Variants in SLC8A1 observed in about 807,000 individuals in gnomAD.
The protein encoded by SLC8A1 is sodium/calcium exchanger 1.
A neutral mutation model predicts 68.3 loss-of-function variants in SLC8A1; 18 were observed. The observed-to-expected ratio is 0.26, with a 90% CI of 0.18 to 0.39. The LOEUF (loss-of-function observed/expected upper bound fraction) is 0.39, where lower values mean the gene tolerates loss of function less well. Ranked by LOEUF, SLC8A1 falls within the 10% of genes least tolerant of loss-of-function variation. SLC8A1 has a pLI of 1.00. For missense variants in SLC8A1, 985 were observed against 1,156.7 expected, an observed-to-expected ratio of 0.85 and a Z score of 2.15; for synonymous variants, 475 against 415.5, an observed-to-expected ratio of 1.14 and a Z score of -1.74.
intron 2 of SLC8A1, among the ~76,000 whole-genome samples, chr2:40,339,435 G>A (rs1389684256): frequency 6.6e-6 from 1 of 152,200 alleles, no homozygotes; most frequent in South Asian, 2.1e-4. Flanking sequence ...GCTCTCTAAA[G>A]TGAGGCAGTG....
At chr2:40,265,127 G>T (rs966407057) in intron 2 of SLC8A1, among the ~76,000 whole-genome samples, 1 of 152,122 alleles carries the variant, frequency 6.6e-6, no homozygotes, top group Non-Finnish European at 1.5e-5. Flanking sequence ...TTCAGAAGGC[G>T]GATTGTCCAG....
chr2:40,240,227 C>T (rs1036550130), intron 2 of SLC8A1, among the ~76,000 whole-genome samples: 1 of 152,188 alleles, frequency 6.6e-6, no homozygotes, highest in African/African-American at 2.4e-5. Flanking sequence ...TATTATGTAA[C>T]TGTTGTTAAG....
chr2:40,215,510 G>A lies in SLC8A1; in HGVS notation c.1809-37655C>T, dbSNP rs1268845324. ...AAATTAGCCGGGCACGGTGGCGGGC[G>A]CCTGTAGTCCCAGCTACTCGGGAGG... is the stretch of plus-strand genomic sequence containing the variant. On this transcript the variant is annotated intron_variant, in intron 2 of 7. Coordinates refer to ENST00000406785, the Ensembl canonical transcript of SLC8A1. Among the ~76,000 whole-genome samples the A allele has an allele frequency of 4.6e-5, 7 of 151,882 alleles. No homozygotes were observed. In the East Asian group the frequency reaches 1.2e-3, roughly 25 times the overall value.
At chr2:40,130,294 G>A (rs1472162029) in intron 7 of SLC8A1, among the ~76,000 whole-genome samples, 1 of 152,178 alleles carries the variant, frequency 6.6e-6, no homozygotes, top group Non-Finnish European at 1.5e-5. Flanking sequence ...AGAAAATCTT[G>A]TAAATTCTGG....
At chr2:40,227,433 G>A (rs1187563416) in intron 2 of SLC8A1, among the ~76,000 whole-genome samples, 1 of 151,974 alleles carries the variant, frequency 6.6e-6, no homozygotes, top group African/African-American at 2.4e-5. Flanking sequence ...CGGGATAGCT[G>A]GAGGCCATTA....
chr2:40,259,960 C>T (rs2064467862), intron 2 of SLC8A1, among the ~76,000 whole-genome samples: 1 of 152,124 alleles, frequency 6.6e-6, no homozygotes, highest in Admixed American at 6.5e-5. Flanking sequence ...ATCTTTCTGA[C>T]CAAAATTGTA....
intron 2 of SLC8A1, among the ~76,000 whole-genome samples, chr2:40,188,817 T>C (rs2051198469): frequency 6.6e-6 from 1 of 152,218 alleles, no homozygotes; most frequent in Non-Finnish European, 1.5e-5. Context: ...GGCCACAAAA[T>C]GCACAGTGGC....
At chr2:40,220,994 G>GA (rs1435625456) in intron 2 of SLC8A1, among the ~76,000 whole-genome samples, 5 of 151,922 alleles carry the variant, frequency 3.3e-5, no homozygotes, top group African/African-American at 1.2e-4. Context: ...CCAAACAACA[G>GA]AAAAAGAGGG....
intron 1 of SLC8A1, among the ~76,000 whole-genome samples, chr2:40,507,172 A>G (rs1559779362): frequency 6.6e-6 from 1 of 151,976 alleles, no homozygotes; most frequent in African/African-American, 2.4e-5. Context: ...AGGTCCCTCA[A>G]TATAATACTA....
intron 2 of SLC8A1, among the ~76,000 whole-genome samples, chr2:40,391,216 ATGTGTG>A (rs1185123701): frequency 6.6e-6 from 1 of 151,584 alleles, no homozygotes; most frequent in Non-Finnish European, 1.5e-5. Flanking sequence ...GTCTGTGTGT[ATGTGTG>A]TGTGTACATA....
At chr2:40,324,926 C>A (rs981025751) in intron 2 of SLC8A1, among the ~76,000 whole-genome samples, 3 of 152,152 alleles carry the variant, frequency 2.0e-5, no homozygotes, top group African/African-American at 7.2e-5. Context: ...CAAATGACTG[C>A]AAAGATGATG....
At chr2:40,174,663 G>C in intron 4 of SLC8A1, 43 bp downstream of exon 6, 1 of 1,449,816 alleles carries the variant, frequency 6.9e-7, no homozygotes, top group Non-Finnish European at 9.6e-7. Flanking sequence ...ATGGTTAAGG[G>C]TATTTGGGGA....
intron 2 of SLC8A1, among the ~76,000 whole-genome samples, chr2:40,315,224 G>A (rs773933812): frequency 6.6e-6 from 1 of 151,784 alleles, no homozygotes; most frequent in African/African-American, 2.4e-5. Flanking sequence ...TTAGTTGATT[G>A]CCTTTTCAAT....
At chr2:40,389,452 T>G (rs527346124) in intron 2 of SLC8A1, among the ~76,000 whole-genome samples, 68 of 152,214 alleles carry the variant, frequency 4.5e-4, no homozygotes, top group Non-Finnish European at 8.5e-4. Context: ...AAAACAGACA[T>G]TTTAAAATAT....
At chr2:40,333,001 C>T (rs1183926676) in intron 2 of SLC8A1, among the ~76,000 whole-genome samples, 1 of 152,158 alleles carries the variant, frequency 6.6e-6, no homozygotes, top group Non-Finnish European at 1.5e-5. Context: ...AAAAATGTAG[C>T]TTTCTCTTCC....
At chr2:40,417,145 T>C (rs186247276) in intron 2 of SLC8A1, among the ~76,000 whole-genome samples, 1 of 152,140 alleles carries the variant, frequency 6.6e-6, no homozygotes, top group East Asian at 1.9e-4. Context: ...GTATGACCAA[T>C]TGTTATTTTT....
intron 2 of SLC8A1, among the ~76,000 whole-genome samples, chr2:40,313,593 G>C (rs981576814): frequency 6.6e-6 from 1 of 151,946 alleles, no homozygotes; most frequent in East Asian, 1.9e-4. Flanking sequence ...TAATGAGACA[G>C]GTTCTTCCTA....
chr2:40,243,808 T>A (rs1482963453), intron 2 of SLC8A1, among the ~76,000 whole-genome samples: 1 of 152,200 alleles, frequency 6.6e-6, no homozygotes, highest in Non-Finnish European at 1.5e-5. Context: ...TCCTGACAAA[T>A]ATTCAAGTGG....
chr2:40,490,240 C>T (rs1281313465), intron 1 of SLC8A1, among the ~76,000 whole-genome samples: 2 of 152,118 alleles, frequency 1.3e-5, no homozygotes, highest in Non-Finnish European at 2.9e-5. Flanking sequence ...AAGCATGTCA[C>T]TCATTAAAAA....
Sources: allele counts gnomAD v4.1 joint callset (sites outside exome capture counted in the v4.1 genomes callset), GRCh38; gene constraint gnomAD v4.1.1; transcripts MANE v1.5; gene names NCBI Gene and HGNC (gene_info 2026-07-23, HGNC 2026-07-21).